Variants in CIMIP2A observed in about 807,000 individuals in gnomAD.
CIMIP2A encodes ciliary microtubule inner protein 2A, also known as family with sequence similarity 166 member A.
the CIMIP2A span, chr9:137,244,542 C>T: frequency 6.5e-7 from 1 of 1,544,636 alleles, no homozygotes; most frequent in Non-Finnish European, 8.8e-7. Flanking sequence ...TCAGGCTTCT[C>T]AGGGAACCTG....
At chr9:137,251,449 G>C in the CIMIP2A span, 1 of 1,378,472 alleles carries the variant, frequency 7.3e-7, no homozygotes, top group South Asian at 1.2e-5. Flanking sequence ...TGGCCAGGGG[G>C]CTGAGGGACA....
At chr9:137,255,122 CG>C in the CIMIP2A span, 1 of 161,462 alleles carries the variant, frequency 6.2e-6, no homozygotes, top group Non-Finnish European at 1.3e-5. Flanking sequence ...ACCCTGAGTC[CG>C]CCCCCCACGC....
the CIMIP2A span, among the ~76,000 whole-genome samples, chr9:137,246,219 T>C: frequency 4.6e-5 from 7 of 152,142 alleles, no homozygotes; most frequent in African/African-American, 9.7e-5. Flanking sequence ...GGCCAGGACA[T>C]AGGCGAGGGA....
At chr9:137,253,880 C>A in the CIMIP2A span, among the ~76,000 whole-genome samples, 1 of 152,220 alleles carries the variant, frequency 6.6e-6, no homozygotes, top group Non-Finnish European at 1.5e-5. Flanking sequence ...TCCCCTAGGC[C>A]TTGAGCTGAA....
At chr9:137,245,574 G>T in the CIMIP2A span, 37 of 1,613,582 alleles carry the variant, frequency 2.3e-5, no homozygotes, top group African/African-American at 4.3e-4. Flanking sequence ...CAACAGGGCA[G>T]CCTGTGAGTG....
chr9:137,246,324 G>T, the CIMIP2A span, among the ~76,000 whole-genome samples: 1 of 152,324 alleles, frequency 6.6e-6, no homozygotes, highest in South Asian at 2.1e-4. Flanking sequence ...CCTCCTGCAC[G>T]GGAAGAGAAC....
the CIMIP2A span, chr9:137,252,548 G>T: frequency 6.4e-7 from 1 of 1,553,576 alleles, no homozygotes; most frequent in South Asian, 1.2e-5. Context: ...GCAGGAAGGG[G>T]GCGGGGAGTC....
the CIMIP2A span, chr9:137,245,399 TC>T: frequency 6.2e-7 from 1 of 1,613,672 alleles, no homozygotes; most frequent in Non-Finnish European, 8.5e-7. Context: ...GAGTCTCCCT[TC>T]CTGCCTGGTG....
At chr9:137,251,287 A>G in the CIMIP2A span, 2 of 1,604,804 alleles carry the variant, frequency 1.2e-6, no homozygotes, top group Non-Finnish European at 1.7e-6. Context: ...GGAGACTCTG[A>G]TGATGAATTC....
At chr9:137,250,837 C>T in the CIMIP2A span, 3 of 177,528 alleles carry the variant, frequency 1.7e-5, no homozygotes, top group South Asian at 3.2e-4. Flanking sequence ...CCTCCTCTTC[C>T]TCCAGGGAGC....
chr9:137,245,162 C>G, the CIMIP2A span: 1 of 1,581,386 alleles, frequency 6.3e-7, no homozygotes, highest in Non-Finnish European at 8.6e-7. Context: ...CCACATCTAG[C>G]GTCTCCTGCT....
the CIMIP2A span, chr9:137,251,850 C>T: frequency 4.4e-6 from 7 of 1,607,694 alleles, no homozygotes; most frequent in South Asian, 3.3e-5. Flanking sequence ...GACGGGCACC[C>T]CCCAGGAGTC....
chr9:137,248,542 CAAAAAAAAA>C, the CIMIP2A span, among the ~76,000 whole-genome samples: 5 of 109,500 alleles, frequency 4.6e-5, no homozygotes, highest in African/African-American at 1.8e-4. Context: ...GACTCTGTCT[CAAAAAAAAA>C]AAAAAAAAAA....
chr9:137,251,168 G>T, the CIMIP2A span: 1 of 807,946 alleles, frequency 1.2e-6, no homozygotes, highest in East Asian at 2.5e-5. Context: ...TCGGGGCCCG[G>T]GGCAGCCCCT....
At chr9:137,243,862 A>T in the CIMIP2A span, 2 of 1,516,308 alleles carry the variant, frequency 1.3e-6, no homozygotes, top group Non-Finnish European at 1.8e-6. Flanking sequence ...CCCAGGCTTC[A>T]GAGAAGTGTG....
At chr9:137,243,951 A>G in the CIMIP2A span, among the ~76,000 whole-genome samples, 1 of 152,076 alleles carries the variant, frequency 6.6e-6, no homozygotes, top group Non-Finnish European at 1.5e-5. Context: ...CCAGGTACCC[A>G]ACCTTGGGGC....
chr9:137,244,248 A>G, the CIMIP2A span: 2 of 1,613,892 alleles, frequency 1.2e-6, no homozygotes, highest in Admixed American at 3.3e-5. Context: ...TGTTCCAGGC[A>G]GCTTCTCGCC....
the CIMIP2A span, chr9:137,252,022 T>G: frequency 6.2e-7 from 1 of 1,612,434 alleles, no homozygotes; most frequent in Non-Finnish European, 8.5e-7. Flanking sequence ...CGCCCCCTGA[T>G]CACAGCTGAC....
the CIMIP2A span, among the ~76,000 whole-genome samples, chr9:137,248,928 A>T: frequency 6.6e-6 from 1 of 152,246 alleles, no homozygotes; most frequent in African/African-American, 2.4e-5. Context: ...GTTTGCAGTA[A>T]GTGCTATGAA....
Sources: gnomAD v4.1 joint callset for allele counts (sites outside exome capture counted in the v4.1 genomes callset) on GRCh38, gnomAD v4.1.1 for gene constraint, MANE v1.5 for transcripts, NCBI Gene and HGNC (gene_info 2026-07-23, HGNC 2026-07-21) for gene names.